Variants in CSMD1 observed in about 807,000 individuals in gnomAD.
The protein encoded by CSMD1 is CUB and sushi domain-containing protein 1.
Under a neutral mutation model 417.5 loss-of-function variants are expected in CSMD1, and 213 were observed. The observed-to-expected ratio is 0.51, with a 90% CI of 0.46 to 0.57. CSMD1 has a LOEUF of 0.57. Ranked by LOEUF, CSMD1 falls within the 20% of genes least tolerant of loss-of-function variation. The pLI is 0.00. For missense variants in CSMD1, 6,923 were observed against 4,529.7 expected, an observed-to-expected ratio of 1.53 and a Z score of -15.17; for synonymous variants, 2,862 against 1,736.8, an observed-to-expected ratio of 1.65 and a Z score of -16.11.
At chr8:4,037,091 G>C (rs912822417) in intron 3 of CSMD1, among the ~76,000 whole-genome samples, 6 of 152,192 alleles carry the variant, frequency 3.9e-5, no homozygotes, top group Admixed American at 2.0e-4. Context: ...CCCAAAACTG[G>C]AATAATTGGA....
chr8:4,915,838 A>G (rs1051642892), intron 1 of CSMD1, among the ~76,000 whole-genome samples: 1 of 152,222 alleles, frequency 6.6e-6, no homozygotes, highest in Admixed American at 6.5e-5. Context: ...CATCTGTCAC[A>G]ATGGCATCCT....
At chr8:4,482,102 T>C (rs1487709146) in intron 2 of CSMD1, among the ~76,000 whole-genome samples, 2 of 152,208 alleles carry the variant, frequency 1.3e-5, no homozygotes, top group Admixed American at 1.3e-4. Context: ...ATAACTCTCT[T>C]TTAAAAAACT....
intron 3 of CSMD1, among the ~76,000 whole-genome samples, chr8:4,231,594 A>G (rs11992222): frequency 0.42 from 63,544 of 152,044 alleles, 15,293 homozygotes; most frequent in Non-Finnish European, 0.55. Context: ...ATAAATCTGC[A>G]TACAATCCCC....
At chr8:3,949,056 T>A (rs1450357244) in intron 5 of CSMD1, among the ~76,000 whole-genome samples, 1 of 152,200 alleles carries the variant, frequency 6.6e-6, no homozygotes, top group Non-Finnish European at 1.5e-5. Flanking sequence ...ATATTACTGT[T>A]TTTAAAAGCT....
intron 2 of CSMD1, among the ~76,000 whole-genome samples, chr8:4,598,176 T>A (rs986832355): frequency 6.6e-6 from 1 of 152,184 alleles, no homozygotes; most frequent in Non-Finnish European, 1.5e-5. Context: ...ATAAAGCTTT[T>A]GTAAAACGGA....
chr8:4,248,910 A>G lies in CSMD1; in HGVS notation c.415+171043T>C, dbSNP rs546813082. 1.6e-3 allele frequency among the ~76,000 whole-genome samples: 245 copies of G among 152,342 alleles called. 1 individual carries two copies. Among genetic ancestry groups the G allele is most frequent in the Non-Finnish European group, 1.7e-3 (117 of 68,028 alleles). On this transcript the variant is annotated intron_variant, in intron 3 of 69. Transcript: ENST00000635120. ...GGAAAAAAAAATCCATTTAGACCAT[A>G]TTGAGAATGCCTATTTAATGCATGT...
chr8:4,086,176 T>C (rs188770774), intron 3 of CSMD1, among the ~76,000 whole-genome samples: 1 of 152,132 alleles, frequency 6.6e-6, no homozygotes, highest in Non-Finnish European at 1.5e-5. Flanking sequence ...TATAAGTAAT[T>C]TACTCAATAA....
At chr8:3,940,057 G>A (rs1810770871) in intron 5 of CSMD1, among the ~76,000 whole-genome samples, 1 of 152,080 alleles carries the variant, frequency 6.6e-6, no homozygotes, top group South Asian at 2.1e-4. Context: ...AAGATGTGTA[G>A]ATTTACATAT....
Position 3,147,825 on chromosome 8 carries a change from A to C in CSMD1, c.6031+3572T>G, listed in dbSNP as rs112879829. 1.6e-3 allele frequency among the ~76,000 whole-genome samples: 248 copies of C among 152,328 alleles called. 1 individual carries two copies. Among genetic ancestry groups the C allele is most frequent in the African/African-American group, 5.7e-3 (238 of 41,578 alleles). On this transcript the variant is annotated intron_variant, in intron 40 of 69. Coordinates refer to ENST00000635120, the MANE Select transcript of CSMD1 (RefSeq NM_033225.6). ...AACCTCTGAAAACCGAGGAGGGGAG[A>C]GGCAGAGTAGTGATAGCAATGCACC...
intron 6 of CSMD1, among the ~76,000 whole-genome samples, chr8:3,720,520 C>A (rs1286221897): frequency 1.3e-5 from 2 of 152,048 alleles, no homozygotes; most frequent in Non-Finnish European, 2.9e-5. Flanking sequence ...CTGCCATAGA[C>A]CTTTTGTTGT....
At chr8:3,755,790 A>T (rs539279467) in intron 5 of CSMD1, among the ~76,000 whole-genome samples, 1 of 152,294 alleles carries the variant, frequency 6.6e-6, no homozygotes, top group South Asian at 2.1e-4. Context: ...AACAGTGTTT[A>T]TGCCACTGTT....
chr8:4,823,439 T>C (rs1799631611), intron 1 of CSMD1, among the ~76,000 whole-genome samples: 1 of 152,050 alleles, frequency 6.6e-6, no homozygotes, highest in African/African-American at 2.4e-5. Flanking sequence ...CTTAGTTTCC[T>C]CACTCACTGG....
chr8:3,726,079 T>C (rs577735312), intron 6 of CSMD1, among the ~76,000 whole-genome samples: 7 of 152,070 alleles, frequency 4.6e-5, no homozygotes, highest in South Asian at 2.1e-4. Context: ...GCCATGAGGG[T>C]ACTCAAGCAG....
intron 5 of CSMD1, among the ~76,000 whole-genome samples, chr8:3,971,655 C>A (rs535280276): frequency 1.3e-5 from 2 of 152,058 alleles, no homozygotes; most frequent in Non-Finnish European, 2.9e-5. Context: ...AATCCTGATC[C>A]GTGTGGAACA....
chr8:3,782,242 G>A lies in CSMD1; in HGVS notation c.819-28200C>T, dbSNP rs879402245. ...CAGAATCTATGTCAGTCACCAGGAT[G>A]TTAGTTTTGTGCTTGCTTTGTTTAA... On this transcript the variant is annotated intron_variant, in intron 5 of 69. Transcript: ENST00000635120. Among the ~76,000 whole-genome samples the A allele has an allele frequency of 2.0e-4, 30 of 152,254 alleles. 1 individual carries two copies. Among genetic ancestry groups the A allele is most frequent in the Admixed American group, 1.7e-3 (26 of 15,282 alleles).
intron 1 of CSMD1, among the ~76,000 whole-genome samples, chr8:4,894,508 G>A (rs577170606): frequency 3.5e-4 from 53 of 149,408 alleles, no homozygotes; most frequent in African/African-American, 1.1e-3. Flanking sequence ...AGCCGAGATC[G>A]CACCATCGCA....
At position 3,219,351 on chromosome 8, in the gene CSMD1, C is replaced by A. The variant is rs1224182275; in HGVS notation, c.4576G>T (p.Ala1526Ser). The change falls in exon 29 of 70, where the codon GCC (alanine) becomes TCC (serine). Residue 1526 changes from alanine to serine, a missense_variant. Coordinates refer to ENST00000635120, the MANE Select transcript of CSMD1 (RefSeq NM_033225.6). Reference sequence around the variant, plus strand: ...CCGCTACTCTCTATTCTTTCTGGGGCCTGAGAGCCCTGGTAACTCCCAATG... The same window carrying A: ...CCGCTACTCTCTATTCTTTCTGGGGACTGAGAGCCCTGGTAACTCCCAATG... ...PLIGSYQGSQ[A>S]PERIESSGNS... 4 of 1,573,600 alleles carry A rather than the reference C, an allele frequency of 2.5e-6. No homozygotes were observed. In the Admixed American group the frequency reaches 7.4e-5, roughly 29 times the overall value.
At chr8:3,403,557 TTGTGC>T (rs1812167888) in intron 15 of CSMD1, among the ~76,000 whole-genome samples, 1 of 152,212 alleles carries the variant, frequency 6.6e-6, no homozygotes, top group Non-Finnish European at 1.5e-5. Flanking sequence ...CTCATCCTGT[TTGTGC>T]TGTGGTCCAC....
intron 3 of CSMD1, among the ~76,000 whole-genome samples, chr8:4,377,372 C>T (rs1369971305): frequency 1.5e-4 from 23 of 152,138 alleles, no homozygotes; most frequent in Admixed American, 1.4e-3. Flanking sequence ...GGTTTGCTTC[C>T]TTTTCTTTTA....
Sources: gnomAD v4.1 joint callset for allele counts (sites outside exome capture counted in the v4.1 genomes callset) on GRCh38, gnomAD v4.1.1 for gene constraint, MANE v1.5 for transcripts, NCBI Gene and HGNC (gene_info 2026-07-23, HGNC 2026-07-21) for gene names.